GTPBP8: variants seen among roughly 807,000 people sequenced by gnomAD.
The protein encoded by GTPBP8 is GTP binding protein 8, also known as GTP-binding protein 8.
In GTPBP8, 21 loss-of-function variants were observed where a neutral mutation model predicts 27.3. The observed-to-expected ratio is 0.77, with a 90% CI of 0.55 to 1.11. The LOEUF is 1.11. GTPBP8 is among the 50% of genes least tolerant of loss of function. The pLI is 0.00. For synonymous variants in GTPBP8, 147 were observed against 135.3 expected (o/e 1.09, Z -0.60); for missense variants, 380 against 350.8 (o/e 1.08, Z -0.67).
At chr3:112,991,379 G>T (rs536856052) in intron 1 of GTPBP8, 44 bp downstream of exon 1, 8 of 1,565,350 alleles carry the variant, frequency 5.1e-6, no homozygotes, top group South Asian at 4.4e-5. Context: ...CGGCGTCACA[G>T]CGCTAACCGC....
chr3:112,999,542 T>C lies in GTPBP8; in HGVS notation c.763T>C (p.Phe255Leu), dbSNP rs1933851485. ...KFVNMKTQGC[F>L]PQLFPVSAVT... ...TGTTAACATGAAAACTCAAGGATGT[T>C]TTCCTCAGTTGTTTCCTGTAAGGTA... The change falls in exon 5 of 6, where the codon TTT (phenylalanine) becomes CTT (leucine). Residue 255 changes from phenylalanine (F) to leucine (L), a missense_variant. Physicochemically the swap from Phe to Leu is conservative, Grantham distance 22. Coordinates refer to ENST00000383678, the MANE Select transcript of GTPBP8 (RefSeq NM_014170.4). The C allele has an allele frequency of 3.5e-6, 5 of 1,434,688 alleles. No homozygotes were observed. Among genetic ancestry groups the C allele is most frequent in the Non-Finnish European group, 3.9e-6 (4 of 1,036,848 alleles). 88.9% of individuals were successfully genotyped at this position (1,434,688 alleles called of 1,614,324 possible). A position where few individuals can be genotyped will look rare whatever the true frequency, so the allele number is the denominator to read the frequency against.
chr3:113,000,619 G>A (rs1576169330), intron 5 of GTPBP8, among the ~76,000 whole-genome samples: 1 of 152,134 alleles, frequency 6.6e-6, no homozygotes, highest in Non-Finnish European at 1.5e-5. Context: ...CAAAATAGAA[G>A]ATATAGTGAA....
intron 1 of GTPBP8, 182 bp downstream of exon 1, chr3:112,991,517 CATT>C: frequency 4.2e-6 from 3 of 716,408 alleles, no homozygotes; most frequent in Non-Finnish European, 7.6e-6. Context: ...CCGAGAAACC[CATT>C]GTTAAGTACA....
chr3:112,991,361 C>T (rs1408257554), intron 1 of GTPBP8, 26 bp downstream of exon 1: 3 of 1,602,986 alleles, frequency 1.9e-6, no homozygotes, highest in Non-Finnish European at 2.6e-6. Context: ...CACGGTTCAC[C>T]TGCGCGCCGG....
chr3:112,996,486 T>C (rs1040234259), intron 3 of GTPBP8, among the ~76,000 whole-genome samples: 2 of 152,078 alleles, frequency 1.3e-5, no homozygotes, highest in African/African-American at 4.8e-5. Flanking sequence ...AAAAAATTTA[T>C]AACTTATGGT....
chr3:113,000,677 A>G (rs894726361), intron 5 of GTPBP8, among the ~76,000 whole-genome samples, 173 bp from the exon 6 acceptor site: 1 of 152,242 alleles, frequency 6.6e-6, no homozygotes, highest in Non-Finnish European at 1.5e-5. Flanking sequence ...TGATCATCAG[A>G]TTTTAGAATA....
chr3:113,000,943 T>C lies in GTPBP8; in HGVS notation c.*24T>C. 1 of 1,106,770 alleles carries C rather than the reference T, an allele frequency of 9.0e-7. No individual in the cohort carries two copies. Among genetic ancestry groups the C allele is most frequent in the Non-Finnish European group, 1.3e-6 (1 of 776,534 alleles). The allele number at this position is 1,106,770 out of a possible 1,614,324, so 68.6% of individuals were successfully genotyped here. A position where few individuals can be genotyped will look rare whatever the true frequency, so the allele number is the denominator to read the frequency against. ...AATGGTTCCCGGTTTAGCTGAAGAT[T>C]CAAAAAAAAAAAAAAAAGCTTTATG... On this transcript the variant is annotated 3_prime_UTR_variant, in exon 6 of 6. Coordinates refer to ENST00000383678, the MANE Select transcript of GTPBP8 (RefSeq NM_014170.4).
rs192239203 is a variant in GTPBP8, at chr3:112,993,209, T to C, written c.435+85T>C. 6.7e-5 allele frequency: 49 copies of C among 732,532 alleles called. No homozygotes were observed. In the African/African-American group the frequency reaches 7.5e-4, roughly 11 times the overall value. 45.4% of individuals were successfully genotyped at this position (732,532 alleles called of 1,614,324 possible). Reference sequence around the variant, plus strand: ...AAATGCTGGAAGGTATAAGAAATCATAATTACTAAGTTCCTAGAGAAGTGA... The same window carrying C: ...AAATGCTGGAAGGTATAAGAAATCACAATTACTAAGTTCCTAGAGAAGTGA... On this transcript the variant is annotated intron_variant, in intron 2 of 5. Coordinates refer to ENST00000383678, the MANE Select transcript of GTPBP8 (RefSeq NM_014170.4).
At position 112,991,036 on chromosome 3, in the gene GTPBP8, C is replaced by G. The variant is rs1933658026; in HGVS notation, c.37C>G (p.Leu13Val). 6.2e-7 allele frequency: 1 copy of G among 1,605,570 alleles called. No individual in the cohort carries two copies. Among genetic ancestry groups the G allele is most frequent in the Non-Finnish European group, 8.5e-7 (1 of 1,174,136 alleles). ...CGGGCTGCGGCTGGGAGCGGGAAGA[C>G]TCTTTGAAATGCCTGCGGTGCTAGA... ...APGLRLGAGR[L>V]FEMPAVLERL... The change falls in exon 1 of 6, where the codon CTC becomes GTC. Residue 13 changes from leucine to valine, a missense_variant. Physicochemically the swap from Leu to Val is conservative, Grantham distance 32 (BLOSUM62 1). Transcript: ENST00000383678.
At chr3:112,995,719 TAG>T (rs906201997) in intron 3 of GTPBP8, among the ~76,000 whole-genome samples, 8 of 152,076 alleles carry the variant, frequency 5.3e-5, no homozygotes, top group African/African-American at 1.7e-4. Flanking sequence ...GTATTTTTAG[TAG>T]AGACAGGGTT....
At position 112,991,278 on chromosome 3, in the gene GTPBP8, C is replaced by G; in HGVS notation, c.279C>G (p.Ile93Met). 1 of 1,613,704 alleles carries G rather than the reference C, an allele frequency of 6.2e-7. No homozygotes were observed. The highest frequency in any genetic ancestry group is 8.5e-7 in the Non-Finnish European group (1 of 1,180,038). Residue 93 changes from isoleucine to methionine, a missense_variant, in exon 1 of 6, where the codon ATC becomes ATG. Transcript: ENST00000383678. The stretch of plus-strand genomic sequence containing the variant: ...TCACGGCCACTGAACGGAACCGCAT[C>G]GACTACGTCAGCTCCGCCGTCCGTA... The part of the protein sequence containing the change: ...NIFTATERNR[I>M]DYVSSAVRID...
At chr3:112,994,485 A>G (rs528327744) in intron 2 of GTPBP8, among the ~76,000 whole-genome samples, 62 of 151,916 alleles carry the variant, frequency 4.1e-4, no homozygotes, top group Admixed American at 3.3e-4. Context: ...TATCTGTTCT[A>G]TGGACACAAA....
chr3:112,992,129 T>G (rs925606272), intron 1 of GTPBP8: 9 of 152,304 alleles, frequency 5.9e-5, no homozygotes, highest in African/African-American at 2.2e-4. Context: ...GCTTTTTTAT[T>G]TAAGCTTCTA....
intron 3 of GTPBP8, among the ~76,000 whole-genome samples, chr3:112,996,470 C>G (rs1158373987): frequency 6.9e-6 from 1 of 145,176 alleles, no homozygotes; most frequent in Non-Finnish European, 1.5e-5. Flanking sequence ...TCTAAAAAAA[C>G]AAAAAAAAAA....
chr3:112,991,257 G>C lies in GTPBP8; in HGVS notation c.258G>C (p.Thr86=), dbSNP rs775506761. The C allele has an allele frequency of 8.7e-6, 14 of 1,613,952 alleles. No homozygotes were observed. Among genetic ancestry groups the C allele is most frequent in the Admixed American group, 8.3e-5 (5 of 60,020 alleles). ...EDIARADNIF[T]ATERNRIDYV... ...TAGCCAGGGCGGACAACATCTTCAC[G>C]GCCACTGAACGGAACCGCATCGACT... The change falls in exon 1 of 6, where the codon ACG becomes ACC. Residue 86 remains threonine, a synonymous_variant. Transcript: ENST00000383678.
intron 5 of GTPBP8, among the ~76,000 whole-genome samples, chr3:113,000,571 C>G (rs1282248939): frequency 6.6e-6 from 1 of 151,928 alleles, no homozygotes; most frequent in Non-Finnish European, 1.5e-5. Context: ...ACAAAAAGAA[C>G]AAACTAAAGA....
At chr3:112,993,774 A>G (rs977524103) in intron 2 of GTPBP8, among the ~76,000 whole-genome samples, 2 of 148,136 alleles carry the variant, frequency 1.4e-5, no homozygotes, top group African/African-American at 5.3e-5. Context: ...CACCCCTTTC[A>G]TTGAGTTGGA....
At position 113,001,182 on chromosome 3, in the gene GTPBP8, A is replaced by T; in HGVS notation, c.*263A>T. On this transcript the variant is annotated 3_prime_UTR_variant, in exon 6 of 6. Coordinates refer to ENST00000383678, the MANE Select transcript of GTPBP8 (RefSeq NM_014170.4). ...TATTTTAACAAACTGACAAGAGCAC[A>T]TCCATAAAATGAAAACCTGTTACAA... is the stretch of plus-strand genomic sequence containing the variant. The T allele has an allele frequency of 3.2e-6, 1 of 314,510 alleles. No individual in the cohort carries two copies. The highest frequency in any genetic ancestry group is 6.1e-5 in the South Asian group (1 of 16,324). The allele number at this position is 314,510 out of a possible 1,614,324, so 19.5% of individuals were successfully genotyped here. A position where few individuals can be genotyped will look rare whatever the true frequency, so the allele number is the denominator to read the frequency against.
At position 112,991,263 on chromosome 3, in the gene GTPBP8, T is replaced by C. The variant is rs772220827; in HGVS notation, c.264T>C (p.Thr88=). The C allele has an allele frequency of 2.5e-6, 4 of 1,613,928 alleles. No homozygotes were observed. The highest frequency in any genetic ancestry group is 1.7e-6 in the Non-Finnish European group (2 of 1,180,038). The change falls in exon 1 of 6, where the codon ACT becomes ACC. Residue 88 remains threonine, a synonymous_variant. Coordinates refer to ENST00000383678, the MANE Select transcript of GTPBP8 (RefSeq NM_014170.4). ...GGGCGGACAACATCTTCACGGCCAC[T>C]GAACGGAACCGCATCGACTACGTCA... ...IARADNIFTA[T]ERNRIDYVSS...
Sources: allele counts gnomAD v4.1 joint callset (sites outside exome capture counted in the v4.1 genomes callset), GRCh38; gene constraint gnomAD v4.1.1; transcripts MANE v1.5; gene names NCBI Gene and HGNC (gene_info 2026-07-23, HGNC 2026-07-21).